Variants in ENPP6 observed in about 807,000 individuals in gnomAD.
The protein encoded by ENPP6 is glycerophosphocholine cholinephosphodiesterase ENPP6.
In ENPP6, 32 loss-of-function variants were observed where a neutral mutation model predicts 42.0. The ratio of observed to expected loss-of-function variants is 0.76; its 90% confidence interval spans 0.58 to 1.02. The LOEUF (loss-of-function observed/expected upper bound fraction) is 1.02. Among genes scored for constraint, ENPP6 ranks in the 50% least tolerant of loss-of-function variants. The pLI is 0.00. For synonymous variants in ENPP6, 213 were observed against 216.0 expected (o/e 0.99, Z 0.12); for missense variants, 552 against 566.8 (o/e 0.97, Z 0.27).
intron 2 of ENPP6, among the ~76,000 whole-genome samples, chr4:184,140,243 TAC>T (rs1161244102): frequency 6.6e-6 from 1 of 151,392 alleles, no homozygotes; most frequent in Non-Finnish European, 1.5e-5. Context: ...TAAAAGAGGA[TAC>T]AAACAAATGG....
At chr4:184,179,020 T>C (rs1579651516) in intron 1 of ENPP6, among the ~76,000 whole-genome samples, 1 of 152,118 alleles carries the variant, frequency 6.6e-6, no homozygotes, top group East Asian at 1.9e-4. Flanking sequence ...AATTCACACA[T>C]AACAATATTA....
chr4:184,157,534 T>C (rs1737184672), intron 1 of ENPP6, among the ~76,000 whole-genome samples: 1 of 150,636 alleles, frequency 6.6e-6, no homozygotes, highest in East Asian at 1.9e-4. Flanking sequence ...TTTCTTTCTC[T>C]CTCTCCTTTC....
chr4:184,179,242 C>G (rs190153571), intron 1 of ENPP6, among the ~76,000 whole-genome samples: 4 of 152,256 alleles, frequency 2.6e-5, no homozygotes, highest in South Asian at 4.2e-4. Context: ...TCTGACAAAA[C>G]AGGCTTTAAG....
intron 6 of ENPP6, among the ~76,000 whole-genome samples, chr4:184,106,033 C>G (rs1736084386): frequency 9.7e-6 from 1 of 103,588 alleles, no homozygotes; most frequent in Non-Finnish European, 1.9e-5. Context: ...ATCAAAAATA[C>G]CAAGTTGTTT....
intron 1 of ENPP6, among the ~76,000 whole-genome samples, chr4:184,162,882 A>G (rs55741065): frequency 0.51 from 78,150 of 151,944 alleles, 21,962 homozygotes; most frequent in Admixed American, 0.62. Context: ...AGGGGAGCCA[A>G]TGGCATGAAG....
chr4:184,188,979 T>C (rs1212467302), intron 1 of ENPP6, among the ~76,000 whole-genome samples: 1 of 152,198 alleles, frequency 6.6e-6, no homozygotes, highest in East Asian at 1.9e-4. Flanking sequence ...CATTTGCCAT[T>C]CTTTGAAAAT....
chr4:184,091,983 GGC>G (rs1222682180), intron 7 of ENPP6, among the ~76,000 whole-genome samples: 20 of 152,322 alleles, frequency 1.3e-4, no homozygotes, highest in African/African-American at 4.1e-4. Context: ...GCTGCGGGGA[GGC>G]TGAAGTGCCA....
chr4:184,170,302 C>T, intron 1 of ENPP6, among the ~76,000 whole-genome samples: 1 of 152,104 alleles, frequency 6.6e-6, no homozygotes, highest in East Asian at 1.9e-4. Context: ...TGGTGGTGTG[C>T]ACCTGTAGTA....
chr4:184,144,195 G>A (rs1451079264), intron 2 of ENPP6, among the ~76,000 whole-genome samples: 1 of 152,222 alleles, frequency 6.6e-6, no homozygotes, highest in African/African-American at 2.4e-5. Context: ...CTCAGACTCT[G>A]GCATTCTCCT....
intron 1 of ENPP6, among the ~76,000 whole-genome samples, chr4:184,195,346 A>C (rs1732778846): frequency 6.6e-6 from 1 of 152,060 alleles, no homozygotes. Context: ...TGTTCTCATC[A>C]TTCAGCTCCC....
chr4:184,152,188 A>T (rs550413295), intron 2 of ENPP6, among the ~76,000 whole-genome samples: 1 of 152,264 alleles, frequency 6.6e-6, no homozygotes, highest in East Asian at 1.9e-4. Context: ...GCCACGCCGC[A>T]CCACAGCTGG....
intron 1 of ENPP6, among the ~76,000 whole-genome samples, chr4:184,169,437 G>A (rs770207619): frequency 4.6e-5 from 7 of 152,224 alleles, no homozygotes; most frequent in Non-Finnish European, 1.0e-4. Flanking sequence ...GGTGAGTTCT[G>A]CTCTCCTGGC....
chr4:184,097,271 C>T lies in ENPP6; in HGVS notation c.1091G>A (p.Arg364Gln), dbSNP rs202045491. The part of the protein sequence containing the change: ...HGYDNELMDM[R>Q]GIFLAFGPDF... ...AGGTCCGAAGGCCAGGAAGATGCCC[C>T]GCATGTCCATGAGCTCGTTGTCGTA... is the stretch of plus-strand genomic sequence containing the variant. The change falls in exon 7 of 8, where the codon CGG becomes CAG. Residue 364 changes from arginine (R) to glutamine (Q), a missense_variant. Transcript: ENST00000296741. The T allele has an allele frequency of 8.9e-5, 144 of 1,614,048 alleles. 1 individual carries two copies. The highest frequency in any genetic ancestry group is 2.8e-4 in the African/African-American group (21 of 74,928).
chr4:184,161,846 A>G (rs966719489), intron 1 of ENPP6, among the ~76,000 whole-genome samples: 2 of 152,164 alleles, frequency 1.3e-5, no homozygotes, highest in African/African-American at 4.8e-5. Context: ...ATGCAAAGGC[A>G]TAAGAAAGAT....
At chr4:184,138,731 G>C (rs189874939) in intron 2 of ENPP6, among the ~76,000 whole-genome samples, 1 of 152,280 alleles carries the variant, frequency 6.6e-6, no homozygotes, top group East Asian at 1.9e-4. Context: ...TCAGAAACTA[G>C]GCAGCAGAAG....
chr4:184,153,465 G>T (rs17679496), intron 2 of ENPP6, 89 bp downstream of exon 2: 28 of 1,402,254 alleles, frequency 2.0e-5, no homozygotes, highest in Admixed American at 1.2e-4. Context: ...TCCAAACCAC[G>T]GCTTGGTCTT....
chr4:184,172,265 G>T (rs2111093347), intron 1 of ENPP6, among the ~76,000 whole-genome samples: 1 of 152,214 alleles, frequency 6.6e-6, no homozygotes, highest in Non-Finnish European at 1.5e-5. Flanking sequence ...TTATAGAAAG[G>T]TGCCTCTAGG....
chr4:184,147,439 G>T (rs138184215), intron 2 of ENPP6, among the ~76,000 whole-genome samples: 74 of 152,246 alleles, frequency 4.9e-4, no homozygotes, highest in African/African-American at 1.3e-3. Context: ...ATGCCATCAC[G>T]CTCTTCCTTA....
intron 1 of ENPP6, among the ~76,000 whole-genome samples, chr4:184,182,250 A>G (rs995445888): frequency 1.3e-5 from 2 of 152,210 alleles, no homozygotes; most frequent in South Asian, 4.1e-4. Flanking sequence ...GCCAACAAAC[A>G]TAAGGGAAAT....
Sources: gnomAD v4.1 joint callset for allele counts (sites outside exome capture counted in the v4.1 genomes callset) on GRCh38, gnomAD v4.1.1 for gene constraint, MANE v1.5 for transcripts, NCBI Gene and HGNC (gene_info 2026-07-23, HGNC 2026-07-21) for gene names.